Variants in PPP1R37 observed in about 807,000 individuals in gnomAD.
PPP1R37 encodes leucine rich repeat containing 68.
Under a neutral mutation model 61.0 loss-of-function variants are expected in PPP1R37, and 21 were observed. That is an observed-to-expected ratio of 0.34 (90% CI 0.24 to 0.50). The LOEUF (loss-of-function observed/expected upper bound fraction) is 0.50, where lower values mean the gene tolerates loss of function less well. Among genes scored for constraint, PPP1R37 ranks in the 20% least tolerant of loss-of-function variants. The pLI is 0.98. For missense variants in PPP1R37, 910 were observed against 952.7 expected, an observed-to-expected ratio of 0.96 and a Z score of 0.59; for synonymous variants, 443 against 433.5, an observed-to-expected ratio of 1.02 and a Z score of -0.27.
intron 1 of PPP1R37, among the ~76,000 whole-genome samples, chr19:45,105,262 AGCCTGCCTCTGGTATCCCCCC>A (rs1968115375): frequency 6.6e-6 from 1 of 152,122 alleles, no homozygotes; most frequent in East Asian, 1.9e-4. Flanking sequence ...GGGAGTACAA[AGCCTGCCTCTGGTATCCCCCC>A]GCCAGCCTGG....
chr19:45,143,429 T>G, intron 7 of PPP1R37, 92 bp from the exon 8 acceptor site: 1 of 713,914 alleles, frequency 1.4e-6, no homozygotes. Flanking sequence ...TCCATGGAGG[T>G]CCTAAGCAGA....
At chr19:45,136,546 T>C (rs1568448853) in intron 1 of PPP1R37, among the ~76,000 whole-genome samples, 1 of 152,112 alleles carries the variant, frequency 6.6e-6, no homozygotes, top group East Asian at 1.9e-4. Context: ...CGGTCCCCAC[T>C]AGAGCTCCAG....
At chr19:45,111,968 C>T (rs1968206790) in intron 1 of PPP1R37, among the ~76,000 whole-genome samples, 1 of 151,368 alleles carries the variant, frequency 6.6e-6, no homozygotes, top group Non-Finnish European at 1.5e-5. Flanking sequence ...TTTTTCTTTT[C>T]TTTCTTTTTT....
At chr19:45,110,149 T>C (rs1471295101) in intron 1 of PPP1R37, among the ~76,000 whole-genome samples, 1 of 150,296 alleles carries the variant, frequency 6.7e-6, no homozygotes, top group Non-Finnish European at 1.5e-5. Flanking sequence ...AGAGTCTTGC[T>C]CTGTCTCCCA....
Position 45,146,655 on chromosome 19 carries a change from A to G in PPP1R37, c.*93A>G. On this transcript the variant is annotated 3_prime_UTR_variant, in exon 13 of 13. Coordinates refer to ENST00000221462, the MANE Select transcript of PPP1R37 (RefSeq NM_019121.2). ...CTTCCCCCCAGCCTTCCTGAGGCCCAGGATGCCAGGGGTGGGGGCCATTCT... is the reference window on the plus strand; with the variant it reads ...CTTCCCCCCAGCCTTCCTGAGGCCCGGGATGCCAGGGGTGGGGGCCATTCT... 1 of 570,578 alleles carries G rather than the reference A, an allele frequency of 1.8e-6. No homozygotes were observed. Among genetic ancestry groups the G allele is most frequent in the Non-Finnish European group, 3.1e-6 (1 of 321,406 alleles). 35.3% of individuals were successfully genotyped at this position (570,578 alleles called of 1,614,324 possible). A position where few individuals can be genotyped will look rare whatever the true frequency, so the allele number is the denominator to read the frequency against.
chr19:45,100,773 G>A (rs1473343941), intron 1 of PPP1R37, among the ~76,000 whole-genome samples: 2 of 149,064 alleles, frequency 1.3e-5, no homozygotes, highest in African/African-American at 4.9e-5. Context: ...GAAACAGGTG[G>A]GGTAAGGGCC....
chr19:45,146,605 G>A lies in PPP1R37; in HGVS notation c.*43G>A, dbSNP rs1289249022. The A allele has an allele frequency of 2.2e-5, 15 of 676,222 alleles. No individual in the cohort carries two copies. The highest frequency in any genetic ancestry group is 3.6e-5 in the African/African-American group (2 of 55,334). The allele number at this position is 676,222 out of a possible 1,614,324, so 41.9% of individuals were successfully genotyped here. On this transcript the variant is annotated 3_prime_UTR_variant, in exon 13 of 13. Transcript: ENST00000221462. ...TCCGGTCGGTCTGCGATGAGCTGAG[G>A]CCAGAGCCATGAGAATCTGCTCACC...
In PPP1R37 at chr19:45,098,846, C is replaced by T. The variant is rs116113626; in HGVS notation, c.202+5319C>T. Among the ~76,000 whole-genome samples, 202 of 152,140 alleles carry T rather than the reference C, an allele frequency of 1.3e-3. 1 individual carries two copies. The highest frequency in any genetic ancestry group is 4.5e-3 in the African/African-American group (188 of 41,486). ...GCTGCTGGGGAGTAGGGAACAGGGT[C>T]GAGGCGGGTGCTTTGATGCATCTGC... On this transcript the variant is annotated intron_variant, in intron 1 of 12. Transcript: ENST00000221462.
chr19:45,118,880 G>A (rs564989447), intron 1 of PPP1R37, among the ~76,000 whole-genome samples: 1 of 152,100 alleles, frequency 6.6e-6, no homozygotes, highest in Admixed American at 6.5e-5. Context: ...TGAGAGACTG[G>A]CCTTGGTGCC....
At chr19:45,131,408 A>G (rs1968475393) in intron 1 of PPP1R37, among the ~76,000 whole-genome samples, 2 of 152,080 alleles carry the variant, frequency 1.3e-5, no homozygotes, top group Non-Finnish European at 2.9e-5. Context: ...AAGGGAGCCG[A>G]GAGTTGAGCT....
At chr19:45,133,504 A>T (rs1231473448) in intron 1 of PPP1R37, among the ~76,000 whole-genome samples, 1 of 152,168 alleles carries the variant, frequency 6.6e-6, no homozygotes. Flanking sequence ...TCCCAGCCCC[A>T]TCCCTCAGGG....
intron 7 of PPP1R37, 56 bp downstream of exon 7, chr19:45,142,514 G>C: frequency 6.7e-7 from 1 of 1,500,194 alleles, no homozygotes; most frequent in Non-Finnish European, 8.9e-7. Context: ...ACTCTGCCCG[G>C]CCCTGCGCTA....
In PPP1R37 at chr19:45,145,408, G is replaced by A; in HGVS notation, c.1352G>A (p.Cys451Tyr). 1.3e-6 allele frequency: 2 copies of A among 1,535,464 alleles called. No homozygotes were observed. The highest frequency in any genetic ancestry group is 1.7e-6 in the Non-Finnish European group (2 of 1,146,644). Residue 451 changes from cysteine (C) to tyrosine (Y), a missense_variant, in exon 11 of 13, where the codon TGC becomes TAC. By Grantham distance (194) the Cys-to-Tyr change is radical. Around this residue, in one of 3 missense-constraint regions of PPP1R37, gnomAD observed 549 missense variants for 505.1 expected, o/e 1.09. Coordinates refer to ENST00000221462, the MANE Select transcript of PPP1R37 (RefSeq NM_019121.2). Reference sequence around the variant, plus strand: ...CTGCTGGCCGAGATCCAGAACGGCTGCAAGCGCAACTTGGTGCTGGCGCGG... The same window carrying A: ...CTGCTGGCCGAGATCCAGAACGGCTACAAGCGCAACTTGGTGCTGGCGCGG... The part of the protein sequence containing the change: ...KALLAEIQNG[C>Y]KRNLVLARER...
At chr19:45,142,499 C>T (rs1252065908) in intron 7 of PPP1R37, 41 bp downstream of exon 7, 18 of 1,527,312 alleles carry the variant, frequency 1.2e-5, no homozygotes, top group African/African-American at 1.1e-4. Context: ...CGTCACCCAG[C>T]ACCCACTCTG....
intron 1 of PPP1R37, among the ~76,000 whole-genome samples, chr19:45,102,634 T>A (rs1448564305): frequency 6.6e-6 from 1 of 152,106 alleles, no homozygotes; most frequent in Non-Finnish European, 1.5e-5. Context: ...TCTGCCTGAG[T>A]GTGATTTCGG....
At chr19:45,097,856 G>C (rs879730436) in intron 1 of PPP1R37, among the ~76,000 whole-genome samples, 4 of 152,136 alleles carry the variant, frequency 2.6e-5, no homozygotes, top group Non-Finnish European at 5.9e-5. Flanking sequence ...CTGTGGGCCC[G>C]TGAGGCCTGG....
chr19:45,140,432 G>T, intron 3 of PPP1R37, 74 bp from the exon 4 acceptor site: 1 of 1,322,448 alleles, frequency 7.6e-7, no homozygotes, highest in South Asian at 1.3e-5. Flanking sequence ...GTGGGAGGTT[G>T]GGGGCAGAGG....
At chr19:45,117,477 T>C (rs1284564499) in intron 1 of PPP1R37, among the ~76,000 whole-genome samples, 1 of 152,080 alleles carries the variant, frequency 6.6e-6, no homozygotes, top group Non-Finnish European at 1.5e-5. Context: ...AGTGAAAGCC[T>C]GTGGCAGCAA....
Position 45,146,361 on chromosome 19 carries a change from C to T in PPP1R37, c.1994-29C>T, listed in dbSNP as rs74489368. On this transcript the variant is annotated intron_variant, in intron 11 of 12. Transcript: ENST00000221462. ...GGTTGTATTTGCCCCACCCGCCTGACGGGGGTGCTGGCCCGTCCTCCCACA... is the reference window on the plus strand; with the variant it reads ...GGTTGTATTTGCCCCACCCGCCTGATGGGGGTGCTGGCCCGTCCTCCCACA... 3,230 of 1,528,254 alleles carry T rather than the reference C, an allele frequency of 2.1e-3. 60 individuals are homozygous for T. The African/African-American group carries it at 0.037, about 18-fold the overall frequency. The allele number at this position is 1,528,254 out of a possible 1,614,324, so 94.7% of individuals were successfully genotyped here. A position where few individuals can be genotyped will look rare whatever the true frequency, so the allele number is the denominator to read the frequency against.
Sources: gnomAD v4.1 joint callset for allele counts (sites outside exome capture counted in the v4.1 genomes callset) on GRCh38, gnomAD v4.1.1 for gene constraint, gnomAD v4.1.1 regional missense constraint, MANE v1.5 for transcripts, NCBI Gene and HGNC (gene_info 2026-07-23, HGNC 2026-07-21) for gene names.